The following PDIA6 variants were observed in gnomAD, a reference collection of about 807,000 sequenced individuals.
The protein encoded by PDIA6 is protein disulfide isomerase family A member 6.
Under a neutral mutation model 58.4 loss-of-function variants are expected in PDIA6, and 29 were observed. That is an observed-to-expected ratio of 0.50 (90% CI 0.37 to 0.68). PDIA6 has a LOEUF of 0.68. Ranked by LOEUF, PDIA6 falls within the 30% of genes least tolerant of loss-of-function variation. The pLI, the probability that PDIA6 is intolerant of heterozygous loss-of-function variation, is 0.00. For synonymous variants in PDIA6, 192 were observed against 202.6 expected (o/e 0.95, Z 0.44); for missense variants, 480 against 551.0 (o/e 0.87, Z 1.29).
At chr2:10,814,401 T>C (rs1667127813), upstream of PDIA6, among the ~76,000 whole-genome samples, 1 of 152,166 alleles carries the variant, frequency 6.6e-6, no homozygotes, top group Non-Finnish European at 1.5e-5. Context: ...TCCTCCTGAA[T>C]GTGAAGGTGC....
At chr2:10,810,245 A>G (rs1666946904) in intron 1 of PDIA6, 3 of 1,432,592 alleles carry the variant, frequency 2.1e-6, no homozygotes, top group Middle Eastern at 1.7e-4. Flanking sequence ...TAACTTACCT[A>G]AGATCATATA....
intron 6 of PDIA6, among the ~76,000 whole-genome samples, 180 bp from the exon 7 acceptor site, chr2:10,791,013 A>ATAGATTAGAGGAT (rs1666010713): frequency 6.6e-6 from 1 of 152,020 alleles, no homozygotes; most frequent in Non-Finnish European, 1.5e-5. Context: ...CCCACTGTTA[A>ATAGATTAGAGGAT]TTTCTACATT....
At chr2:10,819,432 T>C in intron 1 of PDIA6, 1 of 849,218 alleles carries the variant, frequency 1.2e-6, no homozygotes, top group Non-Finnish European at 1.9e-6. Context: ...TATGCCAGGC[T>C]CCACGTATTT....
At chr2:10,796,002 G>A (rs187347664) in intron 4 of PDIA6, among the ~76,000 whole-genome samples, 167 of 151,952 alleles carry the variant, frequency 1.1e-3, no homozygotes, top group Middle Eastern at 6.9e-3. Context: ...TAGCACTATG[G>A]ATCTGGCCCA....
intron 10 of PDIA6, among the ~76,000 whole-genome samples, chr2:10,788,484 T>C (rs1734434): frequency 0.49 from 73,702 of 151,116 alleles, 19,512 homozygotes; most frequent in Non-Finnish European, 0.58. Context: ...GGTGAAACCC[T>C]GACCCTACTA....
chr2:10,833,734 G>T (rs886246566), upstream of PDIA6, among the ~76,000 whole-genome samples: 1 of 152,226 alleles, frequency 6.6e-6, no homozygotes, highest in Non-Finnish European at 1.5e-5. Context: ...TTGCTGTATA[G>T]TGGGCTCTGC....
At chr2:10,814,017 G>A (rs967396546), upstream of PDIA6, among the ~76,000 whole-genome samples, 7 of 152,178 alleles carry the variant, frequency 4.6e-5, no homozygotes, top group Non-Finnish European at 7.3e-5. Context: ...GAGCCACCAC[G>A]CCCGACCTAA....
At chr2:10,787,208 A>T in intron 11 of PDIA6, 73 bp downstream of exon 11, 1 of 1,268,370 alleles carries the variant, frequency 7.9e-7, no homozygotes, top group Non-Finnish European at 1.2e-6. Context: ...ATATATACCT[A>T]GTTCCAAATA....
rs371511270 is a variant in PDIA6 at position 10,790,567 on chromosome 2, TGTTA to T, written c.699+148_699+151del. The T allele has an allele frequency of 3.1e-4, 190 of 610,938 alleles. 1 individual carries two copies. In the African/African-American group the frequency reaches 3.2e-3, roughly 10 times the overall value. 37.8% of individuals were successfully genotyped at this position (610,938 alleles called of 1,614,324 possible). ...AGTTGACAGTCCTGAGTTTCAGACT[TGTTA>T]GTTATGACAATAAAGTGACTTTATC... On this transcript the variant is annotated intron_variant, in intron 7 of 12. Coordinates refer to ENST00000272227, the MANE Select transcript of PDIA6 (RefSeq NM_005742.4).
intron 8 of PDIA6, among the ~76,000 whole-genome samples, 175 bp downstream of exon 8, chr2:10,789,574 T>A (rs1291521106): frequency 6.6e-6 from 1 of 152,258 alleles, no homozygotes; most frequent in African/African-American, 2.4e-5. Flanking sequence ...ATTATTCTAA[T>A]GCTAAAAGTT....
At chr2:10,833,970 C>A (rs1207806052), upstream of PDIA6, among the ~76,000 whole-genome samples, 1 of 152,244 alleles carries the variant, frequency 6.6e-6, no homozygotes, top group Non-Finnish European at 1.5e-5. Flanking sequence ...TTTCTCTTAT[C>A]TTTGGATGTT....
chr2:10,799,242 A>G (rs1666401605), intron 2 of PDIA6, among the ~76,000 whole-genome samples: 1 of 152,226 alleles, frequency 6.6e-6, no homozygotes, highest in East Asian at 1.9e-4. Flanking sequence ...TGCAGACACC[A>G]TAGTTTATCC....
chr2:10,815,711 A>G (rs1486673917), upstream of PDIA6, among the ~76,000 whole-genome samples: 1 of 151,906 alleles, frequency 6.6e-6, no homozygotes. Context: ...TTGCCCAGCT[A>G]ATTTTGTATT....
intron 2 of PDIA6, chr2:10,819,198 G>A (rs768416530): frequency 5.6e-4 from 457 of 817,642 alleles, no homozygotes; most frequent in Non-Finnish European, 8.3e-4. Context: ...TCTGTTAGTG[G>A]ACACTTGGGT....
intron 1 of PDIA6, among the ~76,000 whole-genome samples, chr2:10,803,688 C>G (rs1666608114): frequency 6.6e-6 from 1 of 152,008 alleles, no homozygotes; most frequent in Non-Finnish European, 1.5e-5. Flanking sequence ...TTACTAGTAT[C>G]TTAAGAACCC....
At chr2:10,834,732 C>CTCCTTCCTTCCTTCCTTCCTTCCT (rs869156704), upstream of PDIA6, among the ~76,000 whole-genome samples, 26 of 36,450 alleles carry the variant, frequency 7.1e-4, no homozygotes, top group African/African-American at 2.3e-3. Context: ...CCTTCCTTCC[C>CTCCTTCCTTCCTTCCTTCCTTCCT]TCCTTCCTTC....
At chr2:10,831,026 C>T (rs1161720719) in intron 1 of PDIA6, among the ~76,000 whole-genome samples, 4 of 152,218 alleles carry the variant, frequency 2.6e-5, no homozygotes, top group Non-Finnish European at 5.9e-5. Context: ...CAGGGGCTGG[C>T]GGGGAGGGCC....
intron 1 of PDIA6, among the ~76,000 whole-genome samples, chr2:10,822,779 C>G (rs1377254438): frequency 2.6e-5 from 4 of 152,176 alleles, no homozygotes; most frequent in Non-Finnish European, 4.4e-5. Context: ...AAGCTAAAAC[C>G]AAAACATATG....
At chr2:10,812,028 A>G (rs1477318301) in intron 1 of PDIA6, among the ~76,000 whole-genome samples, 2 of 152,056 alleles carry the variant, frequency 1.3e-5, no homozygotes, top group African/African-American at 4.8e-5. Flanking sequence ...CTCCTGCCTC[A>G]GCCTTCTGAG....
Sources: gnomAD v4.1 joint callset for allele counts (sites outside exome capture counted in the v4.1 genomes callset) on GRCh38, gnomAD v4.1.1 for gene constraint, MANE v1.5 for transcripts, NCBI Gene and HGNC (gene_info 2026-07-23, HGNC 2026-07-21) for gene names.